RPS6KC1: variants seen among roughly 807,000 people sequenced by gnomAD.
RPS6KC1 encodes inactive ribosomal protein S6 kinase delta-1.
A neutral mutation model predicts 103.8 loss-of-function variants in RPS6KC1; 54 were observed. That is an observed-to-expected ratio of 0.52 (90% CI 0.42 to 0.65). The LOEUF is 0.65. Ranked by LOEUF, RPS6KC1 falls within the 30% of genes least tolerant of loss-of-function variation. The pLI is 0.00. For synonymous variants in RPS6KC1, 439 were observed against 438.7 expected (o/e 1.00, Z -0.01); for missense variants, 1,151 against 1,253.8 (o/e 0.92, Z 1.24).
chr1:213,388,454 G>A, the RPS6KC1 span, among the ~76,000 whole-genome samples: 1 of 152,234 alleles, frequency 6.6e-6, no homozygotes, highest in South Asian at 2.1e-4. Flanking sequence ...GGGCCTGGTG[G>A]GGGGCAGGAA....
chr1:213,599,500 C>A, the RPS6KC1 span, among the ~76,000 whole-genome samples: 1 of 150,878 alleles, frequency 6.6e-6, no homozygotes, highest in Admixed American at 6.6e-5. Flanking sequence ...GCAAGATTTT[C>A]TTTTTCCATA....
At chr1:213,195,704 T>G (rs985372337) in intron 8 of RPS6KC1, among the ~76,000 whole-genome samples, 2 of 152,304 alleles carry the variant, frequency 1.3e-5, no homozygotes. Context: ...AGTGAGAACG[T>G]ATGATGTTTG....
chr1:213,721,964 T>G, the RPS6KC1 span, among the ~76,000 whole-genome samples: 4 of 152,152 alleles, frequency 2.6e-5, no homozygotes, highest in Admixed American at 2.6e-4. Flanking sequence ...TTCCATTACT[T>G]CATTAGCTTT....
chr1:213,652,686 C>G, the RPS6KC1 span, among the ~76,000 whole-genome samples: 1 of 152,296 alleles, frequency 6.6e-6, no homozygotes, highest in East Asian at 1.9e-4. Context: ...GCTGGTCTGG[C>G]CTTTGCCTGC....
At chr1:213,665,706 A>G in the RPS6KC1 span, among the ~76,000 whole-genome samples, 1 of 152,232 alleles carries the variant, frequency 6.6e-6, no homozygotes, top group African/African-American at 2.4e-5. Flanking sequence ...AAGCCCATAT[A>G]TATGTGAACA....
the RPS6KC1 span, among the ~76,000 whole-genome samples, chr1:213,604,990 C>A: frequency 6.6e-6 from 1 of 152,120 alleles, no homozygotes; most frequent in Non-Finnish European, 1.5e-5. Context: ...TTGTTTTTGG[C>A]TATCCTGTTG....
chr1:213,131,658 G>A (rs1419916661), intron 6 of RPS6KC1, among the ~76,000 whole-genome samples: 1 of 152,158 alleles, frequency 6.6e-6, no homozygotes, highest in Non-Finnish European at 1.5e-5. Flanking sequence ...TTGCCAGGCT[G>A]GTCTCGAACT....
the RPS6KC1 span, among the ~76,000 whole-genome samples, chr1:213,457,983 A>C: frequency 2.0e-5 from 3 of 152,208 alleles, no homozygotes; most frequent in African/African-American, 7.2e-5. Context: ...ACTTCCAAAA[A>C]CTATTTTTAA....
the RPS6KC1 span, among the ~76,000 whole-genome samples, chr1:213,591,739 G>A: frequency 6.6e-6 from 1 of 152,184 alleles, no homozygotes; most frequent in Non-Finnish European, 1.5e-5. Context: ...TACCCAGTAA[G>A]GGAGGTTAAT....
At chr1:213,614,980 G>A in the RPS6KC1 span, among the ~76,000 whole-genome samples, 1 of 152,164 alleles carries the variant, frequency 6.6e-6, no homozygotes, top group South Asian at 2.1e-4. Context: ...AAAGTGTTGG[G>A]ATTACAGTCA....
chr1:213,500,833 G>A, the RPS6KC1 span, among the ~76,000 whole-genome samples: 1 of 152,074 alleles, frequency 6.6e-6, no homozygotes, highest in Non-Finnish European at 1.5e-5. Context: ...AATGAATTAT[G>A]GGCTTTAGAA....
chr1:213,250,079 A>G (rs762214688), intron 12 of RPS6KC1, among the ~76,000 whole-genome samples: 1 of 152,194 alleles, frequency 6.6e-6, no homozygotes, highest in Non-Finnish European at 1.5e-5. Flanking sequence ...CCCACAATAC[A>G]GCAGGCCCAG....
the RPS6KC1 span, among the ~76,000 whole-genome samples, chr1:213,634,489 T>C: frequency 6.6e-6 from 1 of 152,256 alleles, no homozygotes; most frequent in Admixed American, 6.5e-5. Flanking sequence ...ATTGGGTAAA[T>C]AATGAAATGA....
chr1:213,388,555 C>A, the RPS6KC1 span, among the ~76,000 whole-genome samples: 1 of 152,296 alleles, frequency 6.6e-6, no homozygotes, highest in African/African-American at 2.4e-5. Flanking sequence ...CAAATGAAAA[C>A]CTGAGGGCTT....
chr1:213,552,276 C>T, the RPS6KC1 span, among the ~76,000 whole-genome samples: 1 of 152,178 alleles, frequency 6.6e-6, no homozygotes. Context: ...AGAAAACAAA[C>T]AAACAAAAAC....
chr1:213,571,839 C>A, the RPS6KC1 span, among the ~76,000 whole-genome samples: 1 of 152,144 alleles, frequency 6.6e-6, no homozygotes, highest in Non-Finnish European at 1.5e-5. Context: ...CTTATGTGCA[C>A]CCAAGCTGTG....
intron 1 of RPS6KC1, among the ~76,000 whole-genome samples, chr1:213,060,608 A>G (rs1199677745): frequency 6.6e-6 from 1 of 152,228 alleles, no homozygotes. Context: ...TCCTGATTTC[A>G]TCTTGTTTGT....
chr1:213,691,835 A>G, the RPS6KC1 span, among the ~76,000 whole-genome samples: 4 of 152,122 alleles, frequency 2.6e-5, no homozygotes, highest in African/African-American at 9.7e-5. Context: ...ATGGAAATGA[A>G]TCTTCCGCAA....
Position 213,119,849 on chromosome 1 carries a change from A to C in RPS6KC1, c.472+2439A>C, listed in dbSNP as rs1311211616. On this transcript the variant is annotated intron_variant, in intron 5 of 14. Coordinates refer to ENST00000366960, the MANE Select transcript of RPS6KC1 (RefSeq NM_012424.6). ...GTGAACAGATGGCTGTATTAATGCT[A>C]AAGGAGACACAACCTAAAGCTAGGG... 2.6e-5 allele frequency among the ~76,000 whole-genome samples: 4 copies of C among 151,880 alleles called. No homozygotes were observed. The South Asian group carries it at 8.4e-4, about 32-fold the overall frequency.
Sources: allele counts gnomAD v4.1 joint callset (sites outside exome capture counted in the v4.1 genomes callset), GRCh38; gene constraint gnomAD v4.1.1; transcripts MANE v1.5; gene names NCBI Gene and HGNC (gene_info 2026-07-23, HGNC 2026-07-21).